ALCAM: variants seen among roughly 807,000 people sequenced by gnomAD.
ALCAM encodes the protein CD166 antigen.
A neutral mutation model predicts 70.9 loss-of-function variants in ALCAM; 30 were observed. The ratio of observed to expected loss-of-function variants is 0.42; its 90% CI spans 0.32 to 0.57. The LOEUF (loss-of-function observed/expected upper bound fraction) is 0.57. Among genes scored for constraint, ALCAM ranks in the 20% least tolerant of loss-of-function variants. ALCAM has a pLI of 0.11. For missense variants in ALCAM, 591 were observed against 695.1 expected, an observed-to-expected ratio of 0.85 and a Z score of 1.68; for synonymous variants, 249 against 242.5, an observed-to-expected ratio of 1.03 and a Z score of -0.25.
intron 1 of ALCAM, among the ~76,000 whole-genome samples, chr3:105,512,367 A>G (rs1939263101): frequency 6.6e-6 from 1 of 151,710 alleles, no homozygotes; most frequent in Non-Finnish European, 1.5e-5. Context: ...AAATGTTTTT[A>G]CGAATGCAGT....
intron 1 of ALCAM, among the ~76,000 whole-genome samples, chr3:105,432,686 CCTTA>C (rs958069345): frequency 6.6e-6 from 1 of 152,012 alleles, no homozygotes; most frequent in African/African-American, 2.4e-5. Flanking sequence ...ATAACAAACT[CCTTA>C]CTAACTCCTT....
chr3:105,408,302 T>A (rs1440555947), intron 1 of ALCAM, among the ~76,000 whole-genome samples: 1 of 152,108 alleles, frequency 6.6e-6, no homozygotes, highest in African/African-American at 2.4e-5. Context: ...CTTCAAACTG[T>A]ACTATAAGGC....
intron 6 of ALCAM, among the ~76,000 whole-genome samples, chr3:105,539,565 A>G (rs777454694): frequency 2.0e-5 from 3 of 152,070 alleles, no homozygotes; most frequent in Non-Finnish European, 4.4e-5. Context: ...CAATATGAGT[A>G]CAGTGGCATC....
rs372204102 is a variant in ALCAM, at chr3:105,380,551, A to T, written c.73+13070A>T. 1.3e-4 allele frequency among the ~76,000 whole-genome samples: 19 copies of T among 151,974 alleles called. 1 individual carries two copies. Among genetic ancestry groups the T allele is most frequent in the East Asian group, 3.9e-4 (2 of 5,168 alleles). ...ATTTTGATTTAGAAGAAGAATATGCACGCGCACTTGTATGTTTGAGTCAGT... is the reference window on the plus strand; with the variant it reads ...ATTTTGATTTAGAAGAAGAATATGCTCGCGCACTTGTATGTTTGAGTCAGT... On this transcript the variant is annotated intron_variant, in intron 1 of 15. Transcript: ENST00000306107.
intron 1 of ALCAM, among the ~76,000 whole-genome samples, chr3:105,502,403 T>G (rs1938945162): frequency 6.6e-6 from 1 of 152,214 alleles, no homozygotes; most frequent in Non-Finnish European, 1.5e-5. Context: ...ACCTGGGTGG[T>G]TATCAGAGTC....
chr3:105,377,084 A>G (rs1395435653), intron 1 of ALCAM, among the ~76,000 whole-genome samples: 1 of 152,154 alleles, frequency 6.6e-6, no homozygotes, highest in East Asian at 1.9e-4. Context: ...AAGTGGAAAC[A>G]TACCATATAC....
Position 105,520,895 on chromosome 3 carries a change from C to T in ALCAM, c.174+728C>T, listed in dbSNP as rs147761455. On this transcript the variant is annotated intron_variant, in intron 2 of 15. Coordinates refer to ENST00000306107, the MANE Select transcript of ALCAM (RefSeq NM_001627.4). Reference sequence around the variant, plus strand: ...ACCACAGGAGACTCATGACAGTCTGCAAGCTTCAAGTAGATATGTTTCCCT... The same window carrying T: ...ACCACAGGAGACTCATGACAGTCTGTAAGCTTCAAGTAGATATGTTTCCCT... Among the ~76,000 whole-genome samples, 26 of 152,302 alleles carry T rather than the reference C, an allele frequency of 1.7e-4. No homozygotes were observed. The East Asian group carries it at 5.0e-3, about 29-fold the overall frequency.
At chr3:105,511,305 T>C (rs1209597379) in intron 1 of ALCAM, among the ~76,000 whole-genome samples, 1 of 152,064 alleles carries the variant, frequency 6.6e-6, no homozygotes, top group East Asian at 1.9e-4. Flanking sequence ...GATGATTTTA[T>C]CTTCAGATAG....
intron 1 of ALCAM, among the ~76,000 whole-genome samples, chr3:105,465,504 A>T (rs537365864): frequency 2.0e-4 from 31 of 151,598 alleles, no homozygotes; most frequent in African/African-American, 7.5e-4. Context: ...TTTACTATGC[A>T]TAAGACATTT....
chr3:105,500,544 C>T (rs890886550), intron 1 of ALCAM, among the ~76,000 whole-genome samples: 16 of 152,110 alleles, frequency 1.1e-4, no homozygotes, highest in Non-Finnish European at 1.9e-4. Flanking sequence ...TAGTAATGCA[C>T]TTGAAATATA....
intron 1 of ALCAM, among the ~76,000 whole-genome samples, chr3:105,381,193 G>A (rs1935510458): frequency 6.6e-6 from 1 of 151,890 alleles, no homozygotes; most frequent in Admixed American, 6.6e-5. Flanking sequence ...CTCTTAAGAG[G>A]TGTTAGTATT....
chr3:105,446,652 T>C (rs1286615046), intron 1 of ALCAM, among the ~76,000 whole-genome samples: 7 of 136,800 alleles, frequency 5.1e-5, no homozygotes, highest in African/African-American at 1.9e-4. Context: ...CACACACACA[T>C]AATGGAGTAC....
intron 6 of ALCAM, among the ~76,000 whole-genome samples, chr3:105,537,793 C>T (rs947619600): frequency 1.3e-5 from 2 of 152,014 alleles, no homozygotes; most frequent in Admixed American, 1.3e-4. Flanking sequence ...GGTGTCTTTA[C>T]AAATAGAGGA....
intron 1 of ALCAM, among the ~76,000 whole-genome samples, chr3:105,420,650 A>G (rs1936625762): frequency 6.6e-6 from 1 of 151,682 alleles, no homozygotes; most frequent in Non-Finnish European, 1.5e-5. Context: ...TTCAGCCACC[A>G]TTTAGAGAAA....
intron 2 of ALCAM, among the ~76,000 whole-genome samples, chr3:105,523,537 A>G (rs997036233): frequency 6.6e-6 from 1 of 152,234 alleles, no homozygotes; most frequent in Non-Finnish European, 1.5e-5. Context: ...CCCTGATTTT[A>G]CATTAAATTG....
chr3:105,554,940 G>GAA (rs11438154), intron 14 of ALCAM, among the ~76,000 whole-genome samples: 7 of 150,410 alleles, frequency 4.7e-5, no homozygotes, highest in South Asian at 4.2e-4. Flanking sequence ...AAATTAGCTG[G>GAA]AAAAAAAAAC....
At chr3:105,480,299 G>A (rs1429905492) in intron 1 of ALCAM, among the ~76,000 whole-genome samples, 2 of 151,920 alleles carry the variant, frequency 1.3e-5, no homozygotes, top group Admixed American at 6.6e-5. Context: ...GCAGTAAGCC[G>A]AGATCACGCC....
chr3:105,561,392 A>G (rs1019270686), intron 14 of ALCAM, among the ~76,000 whole-genome samples: 2 of 152,054 alleles, frequency 1.3e-5, no homozygotes, highest in African/African-American at 4.8e-5. Flanking sequence ...TTTGGCACTC[A>G]TAGGCACCTC....
At chr3:105,545,553 G>A (rs559791123) in intron 9 of ALCAM, among the ~76,000 whole-genome samples, 1 of 151,274 alleles carries the variant, frequency 6.6e-6, no homozygotes, top group African/African-American at 2.4e-5. Context: ...AACTTAGTTT[G>A]GGGTGTTATG....
Sources: allele counts gnomAD v4.1 joint callset (sites outside exome capture counted in the v4.1 genomes callset), GRCh38; gene constraint gnomAD v4.1.1; transcripts MANE v1.5; gene names NCBI Gene and HGNC (gene_info 2026-07-23, HGNC 2026-07-21).